KRTAP1-5: variants seen among roughly 807,000 people sequenced by gnomAD.
KRTAP1-5 encodes the protein keratin-associated protein 1-5.
In KRTAP1-5, 10 loss-of-function variants were observed where a neutral mutation model predicts 14.2. The observed-to-expected ratio is 0.70, with a 90% CI of 0.43 to 1.19. The LOEUF is 1.19. KRTAP1-5 is among the 50% of genes most tolerant of loss of function. The probability of loss-of-function intolerance (pLI) is 0.00; values close to 1 mark genes in which losing one functional copy is unlikely to be tolerated. For synonymous variants in KRTAP1-5, 107 were observed against 80.2 expected (o/e 1.33, Z -1.79); for missense variants, 234 against 223.5 (o/e 1.05, Z -0.30).
Position 41,026,958 on chromosome 17 carries a change from ACAGCAGCTTGGCTGG to A in KRTAP1-5, c.183_197del (p.Gln62_Cys66del). 1 of 1,612,652 alleles carries A rather than the reference ACAGCAGCTTGGCTGG, an allele frequency of 6.2e-7. No individual in the cohort carries two copies. Reference sequence around the variant, plus strand: ...AGCTTGGCTGGCAGCAGCTGGTCTCACAGCAGCTTGGCTGGCAGCAACTGGAGCTGCAGGTCCCAC... The same window carrying A: ...AGCTTGGCTGGCAGCAGCTGGTCTCACAGCAACTGGAGCTGCAGGTCCCAC... On this transcript the variant is annotated inframe_deletion, in exon 1 of 1. Transcript: ENST00000361883.
At position 41,027,076 on chromosome 17, in the gene KRTAP1-5, G is replaced by C; in HGVS notation, c.80C>G (p.Pro27Arg). Reference sequence around the variant, plus strand: ...GCAGCAGCTGGTCTCACAGCAGCTTGGCTGGCAGCAGCTGGAGCCACAGGT... The same window carrying C: ...GCAGCAGCTGGTCTCACAGCAGCTTCGCTGGCAGCAGCTGGAGCCACAGGT... Reference protein sequence around the residue: ...SGTCGSSCCQPSCCETSCCQP... With the variant: ...SGTCGSSCCQRSCCETSCCQP... Residue 27 changes from proline to arginine, a missense_variant, in exon 1 of 1, where the codon CCA becomes CGA. Coordinates refer to ENST00000361883, the MANE Select transcript of KRTAP1-5 (RefSeq NM_031957.2). 1 of 1,613,760 alleles carries C rather than the reference G, an allele frequency of 6.2e-7. No homozygotes were observed. The highest frequency in any genetic ancestry group is 8.5e-7 in the Non-Finnish European group (1 of 1,179,990).
Position 41,027,066 on chromosome 17 carries a change from ACAGCAGCTTGGCTGG to A in KRTAP1-5, c.75_89del (p.Gln26_Cys30del). On this transcript the variant is annotated inframe_deletion, in exon 1 of 1. Coordinates refer to ENST00000361883, the MANE Select transcript of KRTAP1-5 (RefSeq NM_031957.2). Reference sequence around the variant, plus strand: ...TGCGTGGCTGGCAGCAGCTGGTCTCACAGCAGCTTGGCTGGCAGCAGCTGGAGCCACAGGTCCCAC... The same window carrying A: ...TGCGTGGCTGGCAGCAGCTGGTCTCACAGCAGCTGGAGCCACAGGTCCCAC... 1 of 1,612,968 alleles carries A rather than the reference ACAGCAGCTTGGCTGG, an allele frequency of 6.2e-7. No homozygotes were observed. Among genetic ancestry groups the A allele is most frequent in the South Asian group, 1.1e-5 (1 of 90,832 alleles).
Position 41,026,515 on chromosome 17 carries a change from G to A in KRTAP1-5, c.*116C>T. The stretch of plus-strand genomic sequence containing the variant: ...GAATTGTGAGCTCATATACTTAGTA[G>A]TCTCCATCACAAGCAATGCAAAGTC... On this transcript the variant is annotated 3_prime_UTR_variant, in exon 1 of 1. Transcript: ENST00000361883. 1.8e-6 allele frequency: 2 copies of A among 1,101,490 alleles called. 1 individual carries two copies. Among genetic ancestry groups the A allele is most frequent in the South Asian group, 3.1e-5 (2 of 65,166 alleles). The allele number at this position is 1,101,490 out of a possible 1,614,324, so 68.2% of individuals were successfully genotyped here.
chr17:41,026,307 G>A lies in KRTAP1-5; in HGVS notation c.*324C>T. 3.1e-6 allele frequency: 1 copy of A among 326,018 alleles called. No homozygotes were observed. Among genetic ancestry groups the A allele is most frequent in the Non-Finnish European group, 5.6e-6 (1 of 179,594 alleles). 20.2% of individuals were successfully genotyped at this position (326,018 alleles called of 1,614,324 possible). ...CAAGATAAAATAGATTATAAAGCATGGAAACATTAGACTTGTGGATAGTTC... is the reference window on the plus strand; with the variant it reads ...CAAGATAAAATAGATTATAAAGCATAGAAACATTAGACTTGTGGATAGTTC... On this transcript the variant is annotated 3_prime_UTR_variant, in exon 1 of 1. Coordinates refer to ENST00000361883, the MANE Select transcript of KRTAP1-5 (RefSeq NM_031957.2).
chr17:41,026,509 T>C lies in KRTAP1-5; in HGVS notation c.*122A>G. 9.6e-7 allele frequency: 1 copy of C among 1,047,084 alleles called. No individual in the cohort carries two copies. The highest frequency in any genetic ancestry group is 1.4e-6 in the Non-Finnish European group (1 of 712,348). 64.9% of individuals were successfully genotyped at this position (1,047,084 alleles called of 1,614,324 possible). A position where few individuals can be genotyped will look rare whatever the true frequency, so the allele number is the denominator to read the frequency against. The stretch of plus-strand genomic sequence containing the variant: ...CAGATAGAATTGTGAGCTCATATAC[T>C]TAGTAGTCTCCATCACAAGCAATGC... On this transcript the variant is annotated 3_prime_UTR_variant, in exon 1 of 1. Coordinates refer to ENST00000361883, the MANE Select transcript of KRTAP1-5 (RefSeq NM_031957.2).
Position 41,026,769 on chromosome 17 carries a change from G to A in KRTAP1-5, c.387C>T (p.Tyr129=). The A allele has an allele frequency of 6.2e-7, 1 of 1,613,516 alleles. No homozygotes were observed. Among genetic ancestry groups the A allele is most frequent in the South Asian group, 1.1e-5 (1 of 91,042 alleles). ...CRPDSRVEGT[Y]LPPCCVVSCT... is the part of the protein sequence containing the mutation. ...AGCTCACCACACAGCAGGGGGGTAG[G>A]TAGGTGCCCTCCACACGACTGTCTG... Residue 129 remains tyrosine, a synonymous_variant, in exon 1 of 1, where the codon TAC becomes TAT. Coordinates refer to ENST00000361883, the MANE Select transcript of KRTAP1-5 (RefSeq NM_031957.2).
chr17:41,026,919 G>A lies in KRTAP1-5; in HGVS notation c.237C>T (p.Ser79=), dbSNP rs146063347. ...TCTGGCAGCAGCTTGGCTGGCAGCA[G>A]CTGGTCTCACAGCAGCTTGGCTGGC... ...SCCQPSCCET[S]CCQPSCCQIS... Residue 79 remains serine (S), a synonymous_variant, in exon 1 of 1, where the codon AGC becomes AGT. Transcript: ENST00000361883. 6.2e-7 allele frequency: 1 copy of A among 1,612,042 alleles called. No homozygotes were observed.
chr17:41,026,772 G>C lies in KRTAP1-5; in HGVS notation c.384C>G (p.Thr128=), dbSNP rs367694280. The C allele has an allele frequency of 1.9e-6, 3 of 1,613,350 alleles. No individual in the cohort carries two copies. The highest frequency in any genetic ancestry group is 2.5e-6 in the Non-Finnish European group (3 of 1,180,040). Residue 128 remains threonine, a synonymous_variant, in exon 1 of 1, where the codon ACC becomes ACG. Coordinates refer to ENST00000361883, the MANE Select transcript of KRTAP1-5 (RefSeq NM_031957.2). ...WCRPDSRVEG[T]YLPPCCVVSC... is the part of the protein sequence containing the mutation. ...TCACCACACAGCAGGGGGGTAGGTA[G>C]GTGCCCTCCACACGACTGTCTGGGC...
Position 41,026,441 on chromosome 17 carries a change from G to A in KRTAP1-5, c.*190C>T, listed in dbSNP as rs773985263. ...CAGCAGGTGGCTTTGTAGCATTTCT[G>A]TGTCCCCAGTGAAGGGTCAAGGTAT... On this transcript the variant is annotated 3_prime_UTR_variant, in exon 1 of 1. Transcript: ENST00000361883. 400 of 591,500 alleles carry A rather than the reference G, an allele frequency of 6.8e-4. No homozygotes were observed. The highest frequency in any genetic ancestry group is 8.9e-4 in the Non-Finnish European group (309 of 348,114). 36.6% of individuals were successfully genotyped at this position (591,500 alleles called of 1,614,324 possible). A position where few individuals can be genotyped will look rare whatever the true frequency, so the allele number is the denominator to read the frequency against.
rs763635348 is a variant in KRTAP1-5 at position 41,027,044 on chromosome 17, G to T, written c.112C>A (p.Arg38Ser). The change falls in exon 1 of 1, where the codon CGC (arginine) becomes AGC (serine). Residue 38 changes from arginine (R) to serine (S), a missense_variant. By Grantham distance (110) the Arg-to-Ser change is moderately radical (BLOSUM62 -1). Coordinates refer to ENST00000361883, the MANE Select transcript of KRTAP1-5 (RefSeq NM_031957.2). ...SCCETSCCQP[R>S]SCQTSFCGFP... Reference sequence around the variant, plus strand: ...CCGCAGAAGCTAGTCTGGCAGCTGCGTGGCTGGCAGCAGCTGGTCTCACAG... The same window carrying T: ...CCGCAGAAGCTAGTCTGGCAGCTGCTTGGCTGGCAGCAGCTGGTCTCACAG... 1 of 1,606,122 alleles carries T rather than the reference G, an allele frequency of 6.2e-7. No homozygotes were observed. The highest frequency in any genetic ancestry group is 8.5e-7 in the Non-Finnish European group (1 of 1,178,184).
rs1025437240 is a variant in KRTAP1-5, at chr17:41,026,257, G to A, written c.*374C>T. ...CACTTGGCTATAATTTGGTGTCTTT[G>A]ATGTTGCAAAAAATTTTAGGTAAAC... On this transcript the variant is annotated 3_prime_UTR_variant, in exon 1 of 1. Transcript: ENST00000361883. 5 of 202,208 alleles carry A rather than the reference G, an allele frequency of 2.5e-5. No individual in the cohort carries two copies. In the East Asian group the frequency reaches 4.7e-4, roughly 19 times the overall value. The allele number at this position is 202,208 out of a possible 1,614,324, so 12.5% of individuals were successfully genotyped here.
Position 41,026,610 on chromosome 17 carries a change from T to G in KRTAP1-5, c.*21A>C. The G allele has an allele frequency of 1.3e-6, 2 of 1,575,974 alleles. No individual in the cohort carries two copies. The highest frequency in any genetic ancestry group is 1.7e-6 in the Non-Finnish European group (2 of 1,158,454). ...TCAGAGACACTGTGACCTAGGCAATTGAAAATAAGCAAACTGGCTTTCAGC... is the reference window on the plus strand; with the variant it reads ...TCAGAGACACTGTGACCTAGGCAATGGAAAATAAGCAAACTGGCTTTCAGC... On this transcript the variant is annotated 3_prime_UTR_variant, in exon 1 of 1. Transcript: ENST00000361883.
Position 41,026,722 on chromosome 17 carries a change from T to G in KRTAP1-5, c.434A>C (p.Gln145Pro). 6.2e-7 allele frequency: 1 copy of G among 1,613,746 alleles called. No homozygotes were observed. The highest frequency in any genetic ancestry group is 1.1e-5 in the South Asian group (1 of 91,048). ...GCAGGAGGCCTGGGCATGGTGCAGT[T>G]GGCAGCAGGATGGGGGCGTGCAGCT... ...VVSCTPPSCC[Q>P]LHHAQASCCR... is the part of the protein sequence containing the mutation. Residue 145 changes from glutamine to proline, a missense_variant, in exon 1 of 1, where the codon CAA becomes CCA. Coordinates refer to ENST00000361883, the MANE Select transcript of KRTAP1-5 (RefSeq NM_031957.2).
In KRTAP1-5 at chr17:41,026,997, A is replaced by C. The variant is rs747207606; in HGVS notation, c.159T>G (p.Ser53Arg). The C allele has an allele frequency of 2.5e-6, 4 of 1,607,926 alleles. No individual in the cohort carries two copies. In the South Asian group the frequency reaches 4.4e-5, roughly 18 times the overall value. ...GGCAGCAACTGGAGCTGCAGGTCCC[A>C]CTGGTTGAGAAGCTGGGAAATCCGC... is the stretch of plus-strand genomic sequence containing the variant. ...SFCGFPSFST[S>R]GTCSSSCCQP... The change falls in exon 1 of 1, where the codon AGT becomes AGG. Residue 53 changes from serine to arginine, a missense_variant. Ser to Arg is a moderately radical substitution (Grantham distance 110). Coordinates refer to ENST00000361883, the MANE Select transcript of KRTAP1-5 (RefSeq NM_031957.2).
chr17:41,026,514 A>T lies in KRTAP1-5; in HGVS notation c.*117T>A. 9.3e-7 allele frequency: 1 copy of T among 1,075,364 alleles called. No homozygotes were observed. 66.6% of individuals were successfully genotyped at this position (1,075,364 alleles called of 1,614,324 possible). ...AGAATTGTGAGCTCATATACTTAGT[A>T]GTCTCCATCACAAGCAATGCAAAGT... is the stretch of plus-strand genomic sequence containing the variant. On this transcript the variant is annotated 3_prime_UTR_variant, in exon 1 of 1. Transcript: ENST00000361883.
rs374402403 is a variant in KRTAP1-5 at position 41,026,923 on chromosome 17, G to C, written c.233C>G (p.Thr78Ser). The C allele has an allele frequency of 6.2e-7, 1 of 1,612,212 alleles. No individual in the cohort carries two copies. Among genetic ancestry groups the C allele is most frequent in the African/African-American group, 1.3e-5 (1 of 74,870 alleles). Reference sequence around the variant, plus strand: ...GCAGCAGCTTGGCTGGCAGCAGCTGGTCTCACAGCAGCTTGGCTGGCAGCA... The same window carrying C: ...GCAGCAGCTTGGCTGGCAGCAGCTGCTCTCACAGCAGCTTGGCTGGCAGCA... ...TSCCQPSCCE[T>S]SCCQPSCCQI... Residue 78 changes from threonine to serine, a missense_variant, in exon 1 of 1, where the codon ACC becomes AGC. Physicochemically the swap from Thr to Ser is moderately conservative, Grantham distance 58. Coordinates refer to ENST00000361883, the MANE Select transcript of KRTAP1-5 (RefSeq NM_031957.2).
At position 41,026,197 on chromosome 17, in the gene KRTAP1-5, T is replaced by A; in HGVS notation, c.*434A>T. On this transcript the variant is annotated 3_prime_UTR_variant, in exon 1 of 1. Coordinates refer to ENST00000361883, the MANE Select transcript of KRTAP1-5 (RefSeq NM_031957.2). ...TTCTTAGAAGCTGAATGTTGGGTGA[T>A]GAGCTTCCATTCTCTCTGGTGACTT... 6.0e-6 allele frequency: 1 copy of A among 165,772 alleles called. No individual in the cohort carries two copies. The highest frequency in any genetic ancestry group is 1.3e-5 in the Non-Finnish European group (1 of 77,596). The allele number at this position is 165,772 out of a possible 1,614,324, so 10.3% of individuals were successfully genotyped here.
chr17:41,027,014 G>A lies in KRTAP1-5; in HGVS notation c.142C>T (p.Pro48Ser), dbSNP rs760048799. 1.2e-6 allele frequency: 2 copies of A among 1,607,836 alleles called. No homozygotes were observed. The highest frequency in any genetic ancestry group is 1.7e-6 in the Non-Finnish European group (2 of 1,178,924). The change falls in exon 1 of 1, where the codon CCC becomes TCC. Residue 48 changes from proline (P) to serine (S), a missense_variant. Pro to Ser is a moderately conservative substitution (Grantham distance 74). Transcript: ENST00000361883. ...CAGGTCCCACTGGTTGAGAAGCTGG[G>A]AAATCCGCAGAAGCTAGTCTGGCAG... Reference protein sequence around the residue: ...RSCQTSFCGFPSFSTSGTCSS... With the variant: ...RSCQTSFCGFSSFSTSGTCSS...
rs147786626 is a variant in KRTAP1-5, at chr17:41,026,615, A to G, written c.*16T>C. ...GACACTGTGACCTAGGCAATTGAAA[A>G]TAAGCAAACTGGCTTTCAGCAAGTG... is the stretch of plus-strand genomic sequence containing the variant. On this transcript the variant is annotated 3_prime_UTR_variant, in exon 1 of 1. Coordinates refer to ENST00000361883, the MANE Select transcript of KRTAP1-5 (RefSeq NM_031957.2). 42,910 of 1,580,252 alleles carry G rather than the reference A, an allele frequency of 0.027. 725 individuals are homozygous for G. The highest frequency in any genetic ancestry group is 0.032 in the Non-Finnish European group (36,762 of 1,160,624).
Sources: gnomAD v4.1 joint callset for allele counts on GRCh38, gnomAD v4.1.1 for gene constraint, MANE v1.5 for transcripts, NCBI Gene and HGNC (gene_info 2026-07-23, HGNC 2026-07-21) for gene names.